Variants in KLK6 observed in about 807,000 individuals in gnomAD.
KLK6 encodes the protein kallikrein related peptidase 6, also known as kallikrein-6.
Under a neutral mutation model 21.7 loss-of-function variants are expected in KLK6, and 16 were observed. The ratio of observed to expected loss-of-function variants is 0.74; its 90% CI spans 0.50 to 1.12. KLK6 has a LOEUF of 1.12. Among genes scored for constraint, KLK6 ranks in the 50% most tolerant of loss-of-function variants. The probability of loss-of-function intolerance (pLI) is 0.00; values close to 1 mark genes in which losing one functional copy is unlikely to be tolerated. For missense variants in KLK6, 276 were observed against 304.6 expected, an observed-to-expected ratio of 0.91 and a Z score of 0.70; for synonymous variants, 116 against 120.1, an observed-to-expected ratio of 0.97 and a Z score of 0.22.
chr19:50,959,984 C>CGAGGAGGAGGAA (rs2090803854), intron 6 of KLK6, among the ~76,000 whole-genome samples: 1 of 33,122 alleles, frequency 3.0e-5, no homozygotes, highest in Non-Finnish European at 5.2e-5. Flanking sequence ...AAGAGGAGAA[C>CGAGGAGGAGGAA]GAGGAGGAGG....
At chr19:50,959,880 G>T (rs866957212) in intron 6 of KLK6, among the ~76,000 whole-genome samples, 1 of 50,068 alleles carries the variant, frequency 2.0e-5, no homozygotes, top group Admixed American at 1.7e-4. Flanking sequence ...AGGAGGAAGA[G>T]GAGGAGGAGG....
chr19:50,968,165 T>A (rs1568542211), intron 2 of KLK6, 53 bp from the exon 3 acceptor site: 2 of 1,492,054 alleles, frequency 1.3e-6, no homozygotes, highest in Non-Finnish European at 9.3e-7. Context: ...CCTCCCCCCA[T>A]CCCTCTGTCT....
At position 50,968,469 on chromosome 19, in the gene KLK6, G is replaced by A. The variant is rs551256030; in HGVS notation, c.-9+72C>T. ...CTTCCTCTGTATGGGAGTTTTCCTC[G>A]GAGCCTGGCTCTGTGCGCAATGGCC... On this transcript the variant is annotated intron_variant, in intron 2 of 6. Coordinates refer to ENST00000310157, the MANE Select transcript of KLK6 (RefSeq NM_002774.4). 6.7e-5 allele frequency: 21 copies of A among 314,918 alleles called. 1 individual carries two copies. Among genetic ancestry groups the A allele is most frequent in the African/African-American group, 3.0e-4 (14 of 47,022 alleles). The allele number at this position is 314,918 out of a possible 1,614,324, so 19.5% of individuals were successfully genotyped here.
intron 3 of KLK6, 133 bp downstream of exon 3, chr19:50,967,932 C>T: frequency 1.3e-6 from 1 of 757,758 alleles, no homozygotes; most frequent in South Asian, 1.6e-5. Flanking sequence ...AGCCTAATCC[C>T]CAACGTCTTC....
chr19:50,960,087 G>C (rs1165203840), intron 6 of KLK6, among the ~76,000 whole-genome samples: 1 of 76,042 alleles, frequency 1.3e-5, no homozygotes, highest in African/African-American at 5.7e-5. Context: ...AGGAGGAGGG[G>C]GAGGAGGATG....
intron 4 of KLK6, among the ~76,000 whole-genome samples, chr19:50,966,371 C>T (rs975127859): frequency 3.3e-5 from 5 of 152,222 alleles, no homozygotes; most frequent in South Asian, 2.1e-4. Context: ...CAACATCCCT[C>T]CATCCCCACT....
intron 4 of KLK6, among the ~76,000 whole-genome samples, chr19:50,966,831 GC>G (rs1206768756): frequency 6.6e-6 from 1 of 152,042 alleles, no homozygotes; most frequent in African/African-American, 2.4e-5. Context: ...AAACAAAACT[GC>G]CCAGTGGCTT....
rs918516354 is a variant in KLK6, at chr19:50,958,949, G to C, written c.*215C>G. The C allele has an allele frequency of 6.8e-6, 4 of 592,158 alleles. No homozygotes were observed. The highest frequency in any genetic ancestry group is 1.2e-5 in the Non-Finnish European group (4 of 329,004). 36.7% of individuals were successfully genotyped at this position (592,158 alleles called of 1,614,324 possible). Reference sequence around the variant, plus strand: ...TTCTCTTAGTGGTGGGGGTAAGACCGAGGACCCAAGTCCTCACTCATCACG... The same window carrying C: ...TTCTCTTAGTGGTGGGGGTAAGACCCAGGACCCAAGTCCTCACTCATCACG... On this transcript the variant is annotated 3_prime_UTR_variant, in exon 7 of 7. Coordinates refer to ENST00000310157, the MANE Select transcript of KLK6 (RefSeq NM_002774.4).
chr19:50,961,857 A>G lies in KLK6; in HGVS notation c.469T>C (p.Cys157Arg). Residue 157 changes from cysteine to arginine, a missense_variant, in exon 6 of 7, where the codon TGT (cysteine) becomes CGT (arginine). Transcript: ENST00000310157. ...CGGGACACCAGGTGGATGTATGCAC[A>G]CTGGATGGTGTCAGGGAAATCACCT... ...ADGDFPDTIQ[C>R]AYIHLVSREE... 1 of 1,613,870 alleles carries G rather than the reference A, an allele frequency of 6.2e-7. No individual in the cohort carries two copies. The highest frequency in any genetic ancestry group is 8.5e-7 in the Non-Finnish European group (1 of 1,179,858).
intron 6 of KLK6, among the ~76,000 whole-genome samples, chr19:50,960,800 T>G (rs867367754): frequency 6.6e-6 from 1 of 152,036 alleles, no homozygotes; most frequent in Non-Finnish European, 1.5e-5. Context: ...AATCTTGCTC[T>G]GTTGCCAGGC....
intron 5 of KLK6, 139 bp from the exon 6 acceptor site, chr19:50,962,019 C>G: frequency 1.1e-6 from 1 of 896,438 alleles, no homozygotes; most frequent in African/African-American, 1.7e-5. Flanking sequence ...CTGTTTGTCT[C>G]TCATTCTTAC....
At chr19:50,963,166 T>C (rs2090869561) in intron 5 of KLK6, 136 bp downstream of exon 5, 4 of 1,279,432 alleles carry the variant, frequency 3.1e-6, no homozygotes, top group East Asian at 4.7e-5. Flanking sequence ...CTTTCTCCCA[T>C]TGAAACCCTG....
chr19:50,961,909 G>T, intron 5 of KLK6, 29 bp from the exon 6 acceptor site: 1 of 1,607,336 alleles, frequency 6.2e-7, no homozygotes, highest in Non-Finnish European at 8.5e-7. Context: ...GCCAGACTCA[G>T]CCCAGGCCTT....
intron 6 of KLK6, among the ~76,000 whole-genome samples, chr19:50,959,869 G>A (rs1401765563): frequency 2.2e-5 from 1 of 44,874 alleles, no homozygotes; most frequent in Non-Finnish European, 4.2e-5. Context: ...GGAAGAGGAG[G>A]AGGAGGAAGA....
chr19:50,968,190 C>T, intron 2 of KLK6, 78 bp from the exon 3 acceptor site: 2 of 1,295,840 alleles, frequency 1.5e-6, no homozygotes, highest in Admixed American at 1.7e-5. Context: ...CCTCTGCATC[C>T]TCTCCTTCCT....
intron 4 of KLK6, among the ~76,000 whole-genome samples, chr19:50,964,980 C>T (rs1376086435): frequency 6.6e-6 from 1 of 152,230 alleles, no homozygotes; most frequent in Non-Finnish European, 1.5e-5. Context: ...CATGCCTCCG[C>T]TTGGATTTTA....
intron 2 of KLK6, chr19:50,968,327 C>A: frequency 1.6e-6 from 1 of 611,924 alleles, no homozygotes. Context: ...GAATTCAGAA[C>A]TACGTCCACT....
intron 1 of KLK6, 81 bp downstream of exon 1, chr19:50,969,409 G>A (rs1243060091): frequency 6.6e-6 from 1 of 152,424 alleles, no homozygotes; most frequent in African/African-American, 2.4e-5. Flanking sequence ...GGACCTGCAG[G>A]CCCTCACTCC....
rs1301589134 is a variant in KLK6, at chr19:50,961,738, C to T, written c.582+6G>A. ...CTGTGTAAGTGGCAGATCCGGGTCA[C>T]CTCACCTGGCAGGAATCCTTCCCGT... On this transcript the variant is annotated splice_donor_region_variant and intron_variant, in intron 6 of 6. Transcript: ENST00000310157. The T allele has an allele frequency of 6.2e-7, 1 of 1,612,656 alleles. No individual in the cohort carries two copies. The highest frequency in any genetic ancestry group is 8.5e-7 in the Non-Finnish European group (1 of 1,179,202).
Sources: allele counts gnomAD v4.1 joint callset (sites outside exome capture counted in the v4.1 genomes callset), GRCh38; gene constraint gnomAD v4.1.1; transcripts MANE v1.5; gene names NCBI Gene and HGNC (gene_info 2026-07-23, HGNC 2026-07-21).